Variants in NCKAP5 observed in about 807,000 individuals in gnomAD.
NCKAP5 encodes NCK associated protein 5.
In NCKAP5, 92 loss-of-function variants were observed where a neutral mutation model predicts 167.0. That is an observed-to-expected ratio of 0.55 (90% CI 0.47 to 0.66). NCKAP5 has a LOEUF of 0.66. NCKAP5 is among the 30% of genes least tolerant of loss of function. The pLI is 0.00. For synonymous variants in NCKAP5, 891 were observed against 877.4 expected, an observed-to-expected ratio of 1.02 and a Z score of -0.27; for missense variants, 2,378 against 2,315.0, an observed-to-expected ratio of 1.03 and a Z score of -0.56.
intron 19 of NCKAP5, among the ~76,000 whole-genome samples, chr2:132,701,443 A>C (rs1687876257): frequency 6.6e-6 from 1 of 152,210 alleles, no homozygotes; most frequent in Non-Finnish European, 1.5e-5. Flanking sequence ...CCCAGAGAAG[A>C]TGTCTCTTAG....
Position 133,424,202 on chromosome 2 carries a change from T to C in NCKAP5, c.69+93256A>G, listed in dbSNP as rs140506549. Among the ~76,000 whole-genome samples the C allele has an allele frequency of 6.6e-5, 10 of 152,274 alleles. No homozygotes were observed. The East Asian group carries it at 7.7e-4, about 12-fold the overall frequency. ...ACTGTGCCTTTTAAACCCATAGTTA[T>C]AGGGTTAAGACCCTATAACTTGTCC... On this transcript the variant is annotated intron_variant, in intron 3 of 19. Transcript: ENST00000409261.
chr2:132,743,113 T>A (rs1397056467), intron 16 of NCKAP5, among the ~76,000 whole-genome samples: 1 of 151,742 alleles, frequency 6.6e-6, no homozygotes. Context: ...TTTCTGACAT[T>A]GAAAGATAAG....
chr2:133,600,981 C>G, the NCKAP5 span, among the ~76,000 whole-genome samples: 1 of 152,258 alleles, frequency 6.6e-6, no homozygotes, highest in Non-Finnish European at 1.5e-5. Flanking sequence ...TTTCTGACTT[C>G]TACTACTGAC....
the NCKAP5 span, among the ~76,000 whole-genome samples, chr2:133,667,542 C>T: frequency 0.02 from 3,021 of 152,022 alleles, 142 homozygotes; most frequent in East Asian, 0.18. Context: ...AACTAAAGCC[C>T]TTGCTGACTT....
chr2:132,794,829 A>C (rs1009807799), intron 12 of NCKAP5, among the ~76,000 whole-genome samples: 1 of 152,136 alleles, frequency 6.6e-6, no homozygotes, highest in Non-Finnish European at 1.5e-5. Flanking sequence ...CCAAAAGTGG[A>C]TGGACTTTGT....
intron 8 of NCKAP5, among the ~76,000 whole-genome samples, chr2:132,927,370 T>C (rs1695986059): frequency 7.5e-6 from 1 of 133,850 alleles, no homozygotes; most frequent in Non-Finnish European, 1.5e-5. Context: ...CCATATTACT[T>C]TTAGGATTTT....
chr2:133,386,508 G>T (rs998906285), intron 3 of NCKAP5, among the ~76,000 whole-genome samples: 1 of 152,148 alleles, frequency 6.6e-6, no homozygotes, highest in Non-Finnish European at 1.5e-5. Context: ...GTGGTGCTGA[G>T]AAGAATGTAC....
intron 3 of NCKAP5, among the ~76,000 whole-genome samples, chr2:133,403,004 C>T (rs760772118): frequency 6.7e-4 from 102 of 152,134 alleles, no homozygotes; most frequent in Non-Finnish European, 8.2e-4. Context: ...AGTAATTAGC[C>T]AGAGTTAACT....
chr2:132,745,958 T>A (rs1679603450), intron 16 of NCKAP5, among the ~76,000 whole-genome samples: 1 of 152,080 alleles, frequency 6.6e-6, no homozygotes, highest in Non-Finnish European at 1.5e-5. Context: ...TCTGCCATAT[T>A]CATGGATCAG....
At chr2:132,752,083 G>A (rs537489969) in intron 16 of NCKAP5, among the ~76,000 whole-genome samples, 131 of 152,316 alleles carry the variant, frequency 8.6e-4, no homozygotes, top group African/African-American at 3.0e-3. Flanking sequence ...ATTTTAGCAG[G>A]AGCATCTGAT....
At chr2:133,250,449 C>T (rs2088254472) in intron 4 of NCKAP5, among the ~76,000 whole-genome samples, 1 of 152,128 alleles carries the variant, frequency 6.6e-6, no homozygotes, top group Non-Finnish European at 1.5e-5. Flanking sequence ...ATCCTGGGTA[C>T]CCACCACCAG....
intron 4 of NCKAP5, among the ~76,000 whole-genome samples, chr2:133,236,070 C>CAAAAAAAAAAAAAAAAAAAAAA (rs527705526): frequency 6.4e-5 from 1 of 15,656 alleles, no homozygotes; most frequent in African/African-American, 1.4e-4. Flanking sequence ...TGTCTCAGAC[C>CAAAAAAAAAAAAAAAAAAAAAA]AAAAAAAAAA....
intron 3 of NCKAP5, among the ~76,000 whole-genome samples, chr2:133,497,221 C>T (rs1410043165): frequency 6.6e-6 from 1 of 152,180 alleles, no homozygotes; most frequent in African/African-American, 2.4e-5. Flanking sequence ...GTCTCATCTA[C>T]ATTCAAGGAT....
At chr2:133,525,143 G>C (rs923498265) in intron 2 of NCKAP5, among the ~76,000 whole-genome samples, 1 of 152,200 alleles carries the variant, frequency 6.6e-6, no homozygotes, top group African/African-American at 2.4e-5. Context: ...TGATTTAGAA[G>C]AAGATTAAAT....
the NCKAP5 span, among the ~76,000 whole-genome samples, chr2:133,599,726 C>T: frequency 3.3e-5 from 5 of 152,140 alleles, no homozygotes; most frequent in Admixed American, 2.0e-4. Flanking sequence ...GGAGGCACAC[C>T]GAAGCCCTTC....
chr2:133,001,214 AC>A (rs1444706597), intron 6 of NCKAP5, among the ~76,000 whole-genome samples: 3 of 147,200 alleles, frequency 2.0e-5, no homozygotes, highest in African/African-American at 7.5e-5. Context: ...CCTTTGACTT[AC>A]TTTTTTTTTT....
intron 11 of NCKAP5, among the ~76,000 whole-genome samples, chr2:132,844,235 C>G (rs933650607): frequency 6.6e-6 from 1 of 152,026 alleles, no homozygotes; most frequent in African/African-American, 2.4e-5. Context: ...TATTTATAAA[C>G]TTTTCCTACC....
In NCKAP5 at chr2:132,783,312, G is replaced by T; in HGVS notation, c.3499C>A (p.Pro1167Thr). The change falls in exon 14 of 20, where the codon CCA becomes ACA. Residue 1167 changes from proline to threonine, a missense_variant. Coordinates refer to ENST00000409261, the MANE Select transcript of NCKAP5 (RefSeq NM_207363.3). ...PQLLRKSSTV[P>T]GKHEKDSLNE... Reference sequence around the variant, plus strand: ...AAACTGTCTTTTTCATGTTTCCCTGGCACGGTGGAACTTTTCCTGAGCAGC... The same window carrying T: ...AAACTGTCTTTTTCATGTTTCCCTGTCACGGTGGAACTTTTCCTGAGCAGC... 1 of 1,613,858 alleles carries T rather than the reference G, an allele frequency of 6.2e-7. No individual in the cohort carries two copies. The highest frequency in any genetic ancestry group is 2.2e-5 in the East Asian group (1 of 44,864).
intron 6 of NCKAP5, among the ~76,000 whole-genome samples, chr2:133,121,137 A>G (rs2082238456): frequency 6.6e-6 from 1 of 152,158 alleles, no homozygotes; most frequent in Non-Finnish European, 1.5e-5. Context: ...CCAGAAAAAC[A>G]TGGTGCCCAG....
Sources: gnomAD v4.1 joint callset for allele counts (sites outside exome capture counted in the v4.1 genomes callset) on GRCh38, gnomAD v4.1.1 for gene constraint, MANE v1.5 for transcripts, NCBI Gene and HGNC (gene_info 2026-07-23, HGNC 2026-07-21) for gene names.